CRTC1: variants seen among roughly 807,000 people sequenced by gnomAD.
CRTC1 encodes CREB-regulated transcription coactivator 1.
CRTC1 carries 18 observed loss-of-function variants against 66.1 expected under a neutral mutation model. That is an observed-to-expected ratio of 0.27 (90% CI 0.19 to 0.40). CRTC1 has a LOEUF of 0.40. Ranked by LOEUF, CRTC1 falls within the 10% of genes least tolerant of loss-of-function variation. CRTC1 has a pLI of 1.00. For missense variants in CRTC1, 669 were observed against 887.9 expected, an observed-to-expected ratio of 0.75 and a Z score of 3.13; for synonymous variants, 416 against 398.8, an observed-to-expected ratio of 1.04 and a Z score of -0.51.
intron 1 of CRTC1, among the ~76,000 whole-genome samples, chr19:18,700,691 A>G (rs970302487): frequency 6.6e-6 from 1 of 152,164 alleles, no homozygotes; most frequent in Admixed American, 6.5e-5. Context: ...AAGTATCAGC[A>G]CAGCCTAGCA....
chr19:18,756,334 C>CA (rs56092227), intron 6 of CRTC1, among the ~76,000 whole-genome samples: 56,713 of 73,254 alleles, frequency 0.77, 22,911 homozygotes, highest in Non-Finnish European at 0.81. Flanking sequence ...AACTCCATCT[C>CA]AAAAAAAAAA....
chr19:18,746,914 C>T lies in CRTC1; in HGVS notation c.382-139C>T, dbSNP rs114249466. On this transcript the variant is annotated intron_variant, in intron 3 of 13. Transcript: ENST00000321949. ...GCAGGAAAGGCCGGCAGGAAACGCCCCCCGCCCTACTGGTCCCAGCTGTTT... is the reference window on the plus strand; with the variant it reads ...GCAGGAAAGGCCGGCAGGAAACGCCTCCCGCCCTACTGGTCCCAGCTGTTT... 1.4e-3 allele frequency: 974 copies of T among 708,358 alleles called. 9 individuals are homozygous for T. In the African/African-American group the frequency reaches 0.016, roughly 12 times the overall value. 43.9% of individuals were successfully genotyped at this position (708,358 alleles called of 1,614,324 possible). A position where few individuals can be genotyped will look rare whatever the true frequency, so the allele number is the denominator to read the frequency against.
chr19:18,737,690 C>T (rs1190671457), intron 1 of CRTC1, among the ~76,000 whole-genome samples: 1 of 151,844 alleles, frequency 6.6e-6, no homozygotes, highest in African/African-American at 2.4e-5. Context: ...TCTCTCCCGC[C>T]TCTGTCATGC....
chr19:18,773,438 C>T (rs544055896), intron 11 of CRTC1, among the ~76,000 whole-genome samples: 6 of 152,304 alleles, frequency 3.9e-5, no homozygotes, highest in Admixed American at 3.9e-4. Context: ...AGGGAAACCT[C>T]AGCCTGTGTT....
intron 1 of CRTC1, among the ~76,000 whole-genome samples, chr19:18,700,656 C>T (rs902235911): frequency 6.6e-6 from 1 of 152,216 alleles, no homozygotes; most frequent in South Asian, 2.1e-4. Context: ...GCCAGCTGGT[C>T]ATTCGCCCGG....
At chr19:18,734,179 G>A (rs934343493) in intron 1 of CRTC1, among the ~76,000 whole-genome samples, 1 of 151,988 alleles carries the variant, frequency 6.6e-6, no homozygotes, top group Non-Finnish European at 1.5e-5. Flanking sequence ...TGGGGGAGGG[G>A]AATGGGGAGT....
intron 2 of CRTC1, among the ~76,000 whole-genome samples, chr19:18,745,078 C>T (rs1056831838): frequency 1.8e-4 from 27 of 152,266 alleles, no homozygotes; most frequent in African/African-American, 5.8e-4. Flanking sequence ...AGGGTCAGGG[C>T]GGGCTCCTGG....
intron 1 of CRTC1, among the ~76,000 whole-genome samples, chr19:18,719,885 C>T (rs896841938): frequency 6.6e-6 from 1 of 152,210 alleles, no homozygotes; most frequent in Non-Finnish European, 1.5e-5. Flanking sequence ...GGCACAGGCC[C>T]GCTCCGGGAA....
chr19:18,687,836 G>A (rs547655352), intron 1 of CRTC1, among the ~76,000 whole-genome samples: 39 of 152,028 alleles, frequency 2.6e-4, no homozygotes, highest in Non-Finnish European at 5.4e-4. Context: ...GCGTAAAGTC[G>A]GGAGACTGTT....
intron 5 of CRTC1, among the ~76,000 whole-genome samples, chr19:18,753,079 CA>C (rs2054402923): frequency 6.6e-6 from 1 of 151,564 alleles, no homozygotes. Context: ...TCCTGGCTAA[CA>C]CAGTGAAACC....
intron 1 of CRTC1, among the ~76,000 whole-genome samples, chr19:18,715,889 G>T (rs546288382): frequency 2.5e-4 from 38 of 152,308 alleles, no homozygotes; most frequent in African/African-American, 7.9e-4. Flanking sequence ...TGCAGCCCAC[G>T]CTCCTTCCTG....
At chr19:18,687,229 G>A (rs1362182871) in intron 1 of CRTC1, among the ~76,000 whole-genome samples, 1 of 152,008 alleles carries the variant, frequency 6.6e-6, no homozygotes, top group Non-Finnish European at 1.5e-5. Flanking sequence ...AGACCATGTT[G>A]GCCAGACTGG....
chr19:18,735,454 G>A (rs542229953), intron 1 of CRTC1, among the ~76,000 whole-genome samples: 1 of 152,188 alleles, frequency 6.6e-6, no homozygotes, highest in African/African-American at 2.4e-5. Flanking sequence ...CGAGGCGCAC[G>A]CCAGCTCCTG....
chr19:18,763,245 C>T lies in CRTC1; in HGVS notation c.887-2159C>T, dbSNP rs550964774. Among the ~76,000 whole-genome samples, 64 of 152,206 alleles carry T rather than the reference C, an allele frequency of 4.2e-4. 1 individual carries two copies. In the South Asian group the frequency reaches 0.013, roughly 31 times the overall value. On this transcript the variant is annotated intron_variant, in intron 8 of 13. Transcript: ENST00000321949. ...CCTCCCGAGTAGCTGGGAGTACAGG[C>T]GCCCACCACCACGCCTGGCTAATTT...
chr19:18,704,753 G>A (rs1041924714), intron 1 of CRTC1, among the ~76,000 whole-genome samples: 2 of 152,152 alleles, frequency 1.3e-5, no homozygotes, highest in Non-Finnish European at 2.9e-5. Flanking sequence ...TAACGTGTAA[G>A]TTACTGTCTT....
chr19:18,750,486 G>A (rs2054339390), intron 5 of CRTC1, among the ~76,000 whole-genome samples: 2 of 152,316 alleles, frequency 1.3e-5, no homozygotes, highest in South Asian at 2.1e-4. Flanking sequence ...GCGTGGAGGC[G>A]GCACCCTGGG....
At chr19:18,710,870 C>A (rs1002135451) in intron 1 of CRTC1, among the ~76,000 whole-genome samples, 1 of 152,190 alleles carries the variant, frequency 6.6e-6, no homozygotes, top group Non-Finnish European at 1.5e-5. Context: ...ACAGCCTTGG[C>A]CTCCCAAAGT....
intron 1 of CRTC1, among the ~76,000 whole-genome samples, chr19:18,735,397 CA>C (rs1457401655): frequency 6.6e-6 from 1 of 152,178 alleles, no homozygotes; most frequent in Non-Finnish European, 1.5e-5. Flanking sequence ...AGGGCAGTGA[CA>C]AGGGGACCCC....
At chr19:18,742,068 T>G (rs2054123708) in intron 1 of CRTC1, among the ~76,000 whole-genome samples, 1 of 152,070 alleles carries the variant, frequency 6.6e-6, no homozygotes, top group South Asian at 2.1e-4. Context: ...CTCCCCCAGT[T>G]GCATGGCAGG....
Sources: gnomAD v4.1 joint callset for allele counts (sites outside exome capture counted in the v4.1 genomes callset) on GRCh38, gnomAD v4.1.1 for gene constraint, MANE v1.5 for transcripts, NCBI Gene and HGNC (gene_info 2026-07-23, HGNC 2026-07-21) for gene names.